The following MED15 variants were observed in gnomAD, a reference collection of about 807,000 sequenced individuals.
MED15 encodes the protein mediator of RNA polymerase II transcription subunit 15.
MED15 carries 41 observed loss-of-function variants against 118.7 expected under a neutral mutation model. The ratio of observed to expected loss-of-function variants is 0.35; its 90% CI spans 0.27 to 0.45. The LOEUF (loss-of-function observed/expected upper bound fraction) is 0.45, where lower values mean the gene tolerates loss of function less well. MED15 is among the 20% of genes least tolerant of loss of function. The pLI is 1.00. For synonymous variants in MED15, 436 were observed against 413.9 expected (o/e 1.05, Z -0.65); for missense variants, 740 against 1,025.5 (o/e 0.72, Z 3.80).
intron 5 of MED15, 24 bp downstream of exon 5, chr22:20,555,172 A>G (rs2055944878): frequency 6.5e-7 from 1 of 1,550,184 alleles, no homozygotes; most frequent in South Asian, 1.2e-5. Flanking sequence ...TTCTTGGAGG[A>G]TTTGCCGCTT....
At chr22:20,575,987 A>G (rs182198722) in intron 9 of MED15, among the ~76,000 whole-genome samples, 1 of 152,252 alleles carries the variant, frequency 6.6e-6, no homozygotes, top group African/African-American at 2.4e-5. Flanking sequence ...TGTAACACAG[A>G]TCCCCTTTCT....
rs766059094 is a variant in MED15, at chr22:20,585,780, C to T, written c.2184C>T (p.Asp728=). The change falls in exon 17 of 18, where the codon GAC becomes GAT. Residue 728 remains aspartate (D), a synonymous_variant. Transcript: ENST00000263205. ...VPPLELSVPA[D]YPAQSPLWID... Reference sequence around the variant, plus strand: ...CACTGGAGCTCAGTGTGCCCGCTGACTATCCTGCCCAAAGCCCGCTGTGGA... The same window carrying T: ...CACTGGAGCTCAGTGTGCCCGCTGATTATCCTGCCCAAAGCCCGCTGTGGA... 2.8e-5 allele frequency: 45 copies of T among 1,613,404 alleles called. 2 individuals are homozygous for T. In the Admixed American group the frequency reaches 7.3e-4, roughly 26 times the overall value.
chr22:20,560,500 T>TA (rs2056193483), intron 5 of MED15, among the ~76,000 whole-genome samples: 1 of 152,196 alleles, frequency 6.6e-6, no homozygotes, highest in Admixed American at 6.5e-5. Flanking sequence ...CCAGACCTTG[T>TA]GATCTGCCCT....
chr22:20,569,136 A>G (rs974601944), intron 8 of MED15, among the ~76,000 whole-genome samples: 1 of 152,004 alleles, frequency 6.6e-6, no homozygotes, highest in Non-Finnish European at 1.5e-5. Flanking sequence ...CCACTCCCAC[A>G]TTGCTGAGCT....
rs1359232380 is a variant in MED15 at position 20,507,627 on chromosome 22, G to C, written c.-52G>C. Reference sequence around the variant, plus strand: ...TTGGGCCTGGCTCTGTGACTGAGGCGGCGGCGGTGGCGGCCAAGCGGGATA... The same window carrying C: ...TTGGGCCTGGCTCTGTGACTGAGGCCGCGGCGGTGGCGGCCAAGCGGGATA... On this transcript the variant is annotated 5_prime_UTR_variant, in exon 1 of 18. Coordinates refer to ENST00000263205, the MANE Select transcript of MED15 (RefSeq NM_001003891.3). 1 of 1,609,852 alleles carries C rather than the reference G, an allele frequency of 6.2e-7. No homozygotes were observed. The highest frequency in any genetic ancestry group is 8.5e-7 in the Non-Finnish European group (1 of 1,176,670).
Position 20,562,072 on chromosome 22 carries a change from G to A in MED15, c.452-2378G>A, listed in dbSNP as rs767295945. On this transcript the variant is annotated intron_variant, in intron 5 of 17. Coordinates refer to ENST00000263205, the MANE Select transcript of MED15 (RefSeq NM_001003891.3). ...CTTGTGAGGCTGAGGTGAGAGGATC[G>A]CTTGCTTGAGCCTGGAACGCTGAGT... is the stretch of plus-strand genomic sequence containing the variant. Among the ~76,000 whole-genome samples the A allele has an allele frequency of 2.6e-5, 4 of 152,102 alleles. No homozygotes were observed. The South Asian group carries it at 8.3e-4, about 32-fold the overall frequency.
At chr22:20,561,698 C>T (rs549280022) in intron 5 of MED15, among the ~76,000 whole-genome samples, 9 of 152,206 alleles carry the variant, frequency 5.9e-5, no homozygotes, top group Middle Eastern at 3.4e-3. Context: ...TACAATAAAA[C>T]ATGCGGAAGG....
At chr22:20,542,311 G>T (rs1175077032) in intron 2 of MED15, among the ~76,000 whole-genome samples, 1 of 152,028 alleles carries the variant, frequency 6.6e-6, no homozygotes, top group Non-Finnish European at 1.5e-5. Flanking sequence ...GCCAAAAATG[G>T]AAACAACCCA....
intron 8 of MED15, among the ~76,000 whole-genome samples, chr22:20,571,782 C>T (rs892135713): frequency 5.9e-5 from 9 of 152,174 alleles, no homozygotes; most frequent in African/African-American, 1.4e-4. Flanking sequence ...GCTGAGGCTA[C>T]GGTACTCTGA....
chr22:20,510,710 A>G (rs996113920), intron 1 of MED15, among the ~76,000 whole-genome samples: 1 of 152,176 alleles, frequency 6.6e-6, no homozygotes, highest in Admixed American at 6.5e-5. Flanking sequence ...AGCGAGGGCC[A>G]GTTCTTCTGC....
chr22:20,540,166 G>T (rs898464195), intron 2 of MED15, among the ~76,000 whole-genome samples: 2 of 152,088 alleles, frequency 1.3e-5, no homozygotes, highest in Non-Finnish European at 2.9e-5. Flanking sequence ...GTTTACCCAA[G>T]GGGGGCTGTG....
chr22:20,541,522 C>T (rs546088314), intron 2 of MED15, among the ~76,000 whole-genome samples: 3 of 152,274 alleles, frequency 2.0e-5, no homozygotes, highest in East Asian at 1.9e-4. Flanking sequence ...CTCGCTCTGT[C>T]GCCCAGGCTA....
In MED15 at chr22:20,507,618, G is replaced by A. The variant is rs2053910648; in HGVS notation, c.-61G>A. ...CTTCCGGGTTTGGGCCTGGCTCTGT[G>A]ACTGAGGCGGCGGCGGTGGCGGCCA... On this transcript the variant is annotated 5_prime_UTR_variant, in exon 1 of 18. Transcript: ENST00000263205. 2 of 1,607,810 alleles carry A rather than the reference G, an allele frequency of 1.2e-6. No homozygotes were observed. The highest frequency in any genetic ancestry group is 3.3e-5 in the Admixed American group (2 of 59,980).
rs1370060955 is a variant in MED15, at chr22:20,582,878, G to T, written c.1448G>T (p.Ser483Ile). The T allele has an allele frequency of 2.4e-5, 39 of 1,613,364 alleles. No homozygotes were observed. Among genetic ancestry groups the T allele is most frequent in the Non-Finnish European group, 3.1e-5 (36 of 1,179,988 alleles). ...CCATCTCCCAGTAGCTTCCTGCCCA[G>T]CCCCTCACCGCAGCCCTCCCAGAGC... ...PAPSPSSFLP[S>I]PSPQPSQSPV... Residue 483 changes from serine (S) to isoleucine (I), a missense_variant, in exon 11 of 18, where the codon AGC becomes ATC. Ser to Ile is a moderately radical substitution (Grantham distance 142, BLOSUM62 -2). Around this residue, in one of 7 missense-constraint regions of MED15, gnomAD observed 384 missense variants for 506.3 expected, o/e 0.76. Coordinates refer to ENST00000263205, the MANE Select transcript of MED15 (RefSeq NM_001003891.3).
intron 1 of MED15, among the ~76,000 whole-genome samples, chr22:20,534,262 G>T (rs889759189): frequency 4.4e-4 from 67 of 151,856 alleles, no homozygotes; most frequent in African/African-American, 1.6e-3. Flanking sequence ...CTCCCTATTG[G>T]TCCCAGTGCT....
At chr22:20,537,945 G>A (rs981114419) in intron 2 of MED15, among the ~76,000 whole-genome samples, 1 of 151,930 alleles carries the variant, frequency 6.6e-6, no homozygotes, top group African/African-American at 2.4e-5. Context: ...TTATGGATAC[G>A]TGTCACTGAG....
At chr22:20,579,701 G>C (rs1396339722) in intron 9 of MED15, among the ~76,000 whole-genome samples, 1 of 152,134 alleles carries the variant, frequency 6.6e-6, no homozygotes, top group Non-Finnish European at 1.5e-5. Flanking sequence ...CAGAAATGCA[G>C]TTCAGGCCAT....
intron 5 of MED15, among the ~76,000 whole-genome samples, chr22:20,558,065 A>G (rs373257112): frequency 1.1e-4 from 16 of 152,306 alleles, no homozygotes; most frequent in Non-Finnish European, 2.4e-4. Context: ...AGATCGTGCC[A>G]CTGCACTCCA....
chr22:20,558,825 A>G (rs1340052668), intron 5 of MED15, among the ~76,000 whole-genome samples: 2 of 152,172 alleles, frequency 1.3e-5, no homozygotes, highest in Non-Finnish European at 2.9e-5. Flanking sequence ...TCCCCAGTGT[A>G]AGACCTGTGA....
Sources: allele counts gnomAD v4.1 joint callset (sites outside exome capture counted in the v4.1 genomes callset), GRCh38; gene constraint gnomAD v4.1.1; regional missense constraint gnomAD v4.1.1; transcripts MANE v1.5; gene names NCBI Gene and HGNC (gene_info 2026-07-23, HGNC 2026-07-21).